CADPS2: variants seen among roughly 807,000 people sequenced by gnomAD.
CADPS2 encodes the protein calcium-dependent secretion activator 2.
CADPS2 carries 93 observed loss-of-function variants against 172.5 expected under a neutral mutation model. The ratio of observed to expected loss-of-function variants is 0.54; its 90% CI spans 0.46 to 0.64. The LOEUF (loss-of-function observed/expected upper bound fraction) is 0.64. CADPS2 is among the 30% of genes least tolerant of loss of function. The probability of loss-of-function intolerance (pLI) is 0.00; values close to 1 mark genes in which losing one functional copy is unlikely to be tolerated. For synonymous variants in CADPS2, 546 were observed against 555.2 expected (o/e 0.98, Z 0.23); for missense variants, 1,420 against 1,565.9 (o/e 0.91, Z 1.57).
intron 14 of CADPS2, among the ~76,000 whole-genome samples, chr7:122,468,388 C>T (rs1320011963): frequency 6.6e-6 from 1 of 152,120 alleles, no homozygotes. Flanking sequence ...AGCACATTCT[C>T]ACAAGGAGAG....
chr7:122,356,157 G>C (rs2039375036), intron 27 of CADPS2, among the ~76,000 whole-genome samples: 1 of 151,926 alleles, frequency 6.6e-6, no homozygotes, highest in Non-Finnish European at 1.5e-5. Flanking sequence ...ATATCATTCA[G>C]GATACCACGT....
chr7:122,772,194 A>G (rs17144854), intron 1 of CADPS2, among the ~76,000 whole-genome samples: 32,726 of 152,092 alleles, frequency 0.22, 3,774 homozygotes, highest in Middle Eastern at 0.31. Context: ...AAAAACATCC[A>G]CATTTGGTGA....
chr7:122,623,770 T>A (rs2075821894), intron 4 of CADPS2, among the ~76,000 whole-genome samples: 1 of 152,192 alleles, frequency 6.6e-6, no homozygotes, highest in South Asian at 2.1e-4. Flanking sequence ...TTTATATTTA[T>A]ATGAAAATCA....
chr7:122,586,803 T>C (rs575728847), intron 6 of CADPS2, among the ~76,000 whole-genome samples: 1 of 152,022 alleles, frequency 6.6e-6, no homozygotes, highest in Non-Finnish European at 1.5e-5. Flanking sequence ...CTAAAGAATC[T>C]ATTTCCTTTA....
intron 1 of CADPS2, among the ~76,000 whole-genome samples, chr7:122,834,831 C>T (rs1055238032): frequency 3.3e-5 from 5 of 152,196 alleles, no homozygotes; most frequent in Admixed American, 1.3e-4. Context: ...AGGAGGCCTG[C>T]CTGCCTCTGT....
chr7:122,770,320 A>G (rs1299546726), intron 1 of CADPS2, among the ~76,000 whole-genome samples: 1 of 152,180 alleles, frequency 6.6e-6, no homozygotes, highest in Non-Finnish European at 1.5e-5. Context: ...ACTGTTATAG[A>G]AAAAAAGTAT....
intron 2 of CADPS2, among the ~76,000 whole-genome samples, chr7:122,685,828 T>C (rs2083550775): frequency 6.6e-6 from 1 of 152,204 alleles, no homozygotes; most frequent in South Asian, 2.1e-4. Context: ...GATCTTACAA[T>C]CAAGGAGGAA....
rs1276482850 is a variant in CADPS2, at chr7:122,732,803, AT to A, written c.453+4151del. Among the ~76,000 whole-genome samples the A allele has an allele frequency of 8.6e-3, 1,228 of 142,666 alleles. 19 individuals carry two copies. Among genetic ancestry groups the A allele is most frequent in the African/African-American group, 0.03 (1,173 of 38,636 alleles). The allele number at this position is 142,666 out of a possible 152,430, so 93.6% of individuals were successfully genotyped here. A position where few individuals can be genotyped will look rare whatever the true frequency, so the allele number is the denominator to read the frequency against. On this transcript the variant is annotated intron_variant, in intron 2 of 29. Coordinates refer to ENST00000449022, the MANE Select transcript of CADPS2 (RefSeq NM_017954.11). ...TGTATATAATATATATACATTATAT[AT>A]TATATACATAATGTATATTATATAT...
intron 7 of CADPS2, among the ~76,000 whole-genome samples, chr7:122,574,860 C>T (rs574586616): frequency 4.9e-4 from 74 of 152,168 alleles, no homozygotes; most frequent in Non-Finnish European, 9.7e-4. Flanking sequence ...CTAATAGTAA[C>T]ACCCCACAGC....
In CADPS2 at chr7:122,416,120, G is replaced by T. The variant is rs748058228; in HGVS notation, c.2521C>A (p.Leu841Ile). The T allele has an allele frequency of 5.8e-6, 9 of 1,554,446 alleles. No individual in the cohort carries two copies. In the South Asian group the frequency reaches 1.1e-4, roughly 18 times the overall value. Residue 841 changes from leucine to isoleucine, a missense_variant, in exon 18 of 30, where the codon CTT (leucine) becomes ATT (isoleucine). Coordinates refer to ENST00000449022, the MANE Select transcript of CADPS2 (RefSeq NM_017954.11). ...TCTATGCAGAGCTCTGCCAGATGAA[G>T]AATCTCTTCCAGCTTTCTAGCAGGA... Reference protein sequence around the residue: ...ASPARKLEEILHLAELCIEVL... With the variant: ...ASPARKLEEIIHLAELCIEVL...
intron 6 of CADPS2, among the ~76,000 whole-genome samples, chr7:122,613,871 A>C (rs1047684746): frequency 6.6e-6 from 1 of 152,078 alleles, no homozygotes; most frequent in African/African-American, 2.4e-5. Flanking sequence ...AAATAGGATA[A>C]GATGTTTTGC....
chr7:122,751,920 T>C (rs527950870), intron 1 of CADPS2, among the ~76,000 whole-genome samples: 26 of 152,278 alleles, frequency 1.7e-4, no homozygotes, highest in Admixed American at 7.2e-4. Flanking sequence ...CCAGGTCAAG[T>C]CCTTATTTAC....
intron 12 of CADPS2, among the ~76,000 whole-genome samples, chr7:122,480,362 T>C (rs1410713548): frequency 1.4e-5 from 2 of 143,946 alleles, no homozygotes; most frequent in African/African-American, 2.6e-5. Flanking sequence ...TTCTGATTTA[T>C]ACTTCATTCT....
At chr7:122,610,123 C>T (rs1177847148) in intron 6 of CADPS2, among the ~76,000 whole-genome samples, 1 of 150,560 alleles carries the variant, frequency 6.6e-6, no homozygotes, top group East Asian at 1.9e-4. Flanking sequence ...TATTTTAAAT[C>T]AGACAAATTT....
At position 122,581,194 on chromosome 7, in the gene CADPS2, A is replaced by G. The variant is rs768928503; in HGVS notation, c.1320T>C (p.Asp440=). ...CACAACTCACCCTTCCCAGTTCTTT[A>G]TCTTCCAGGGCCAGAACTCCAGTGC... is the stretch of plus-strand genomic sequence containing the variant. ...TESTGVLALE[D]KELGRVILYP... Residue 440 remains aspartate, a synonymous_variant, in exon 7 of 30, where the codon GAT becomes GAC. Coordinates refer to ENST00000449022, the MANE Select transcript of CADPS2 (RefSeq NM_017954.11). 5.0e-6 allele frequency: 8 copies of G among 1,612,908 alleles called. No individual in the cohort carries two copies. The African/African-American group carries it at 5.3e-5, about 11-fold the overall frequency.
intron 3 of CADPS2, among the ~76,000 whole-genome samples, chr7:122,650,508 G>A (rs1246954823): frequency 1.3e-5 from 2 of 152,042 alleles, no homozygotes; most frequent in African/African-American, 4.8e-5. Flanking sequence ...AATTTCCATG[G>A]AGCAGAATTA....
intron 28 of CADPS2, among the ~76,000 whole-genome samples, chr7:122,334,446 G>C (rs752472088): frequency 6.6e-6 from 1 of 152,190 alleles, no homozygotes; most frequent in East Asian, 1.9e-4. Context: ...GCTTCGTTGA[G>C]CTGTTTTTAA....
chr7:122,617,814 C>T (rs1300785998), intron 5 of CADPS2, among the ~76,000 whole-genome samples: 3 of 152,104 alleles, frequency 2.0e-5, no homozygotes, highest in African/African-American at 4.8e-5. Context: ...GAGGCCAAGG[C>T]GGGCATATCA....
At chr7:122,561,498 G>A (rs1217725808) in intron 7 of CADPS2, among the ~76,000 whole-genome samples, 1 of 152,056 alleles carries the variant, frequency 6.6e-6, no homozygotes, top group Non-Finnish European at 1.5e-5. Flanking sequence ...GATAAAGCAA[G>A]GAAAAGAAAA....
Sources: allele counts gnomAD v4.1 joint callset (sites outside exome capture counted in the v4.1 genomes callset), GRCh38; gene constraint gnomAD v4.1.1; transcripts MANE v1.5; gene names NCBI Gene and HGNC (gene_info 2026-07-23, HGNC 2026-07-21).